Variants in ERC2 observed in about 807,000 individuals in gnomAD.
ERC2 encodes ERC protein 2.
A neutral mutation model predicts 114.8 loss-of-function variants in ERC2; 42 were observed. That is an observed-to-expected ratio of 0.37 (90% confidence interval 0.29 to 0.47). ERC2 has a LOEUF of 0.47. Among genes scored for constraint, ERC2 ranks in the 20% least tolerant of loss-of-function variants. ERC2 has a pLI of 0.99. For synonymous variants in ERC2, 454 were observed against 425.5 expected (o/e 1.07, Z -0.82); for missense variants, 939 against 1,150.7 (o/e 0.82, Z 2.66).
chr3:55,662,691 T>C (rs926693983), intron 17 of ERC2, among the ~76,000 whole-genome samples: 10 of 152,208 alleles, frequency 6.6e-5, no homozygotes, highest in Non-Finnish European at 1.2e-4. Flanking sequence ...TGAATGTAGA[T>C]TATTTTAAAG....
At chr3:56,007,084 A>T in intron 10 of ERC2, 97 bp downstream of exon 10, 1 of 1,078,716 alleles carries the variant, frequency 9.3e-7, no homozygotes, top group Non-Finnish European at 1.3e-6. Context: ...ACAGCAACAG[A>T]TAAGGGGTTT....
At chr3:55,881,188 G>A (rs1480176934) in intron 14 of ERC2, among the ~76,000 whole-genome samples, 1 of 152,116 alleles carries the variant, frequency 6.6e-6, no homozygotes, top group Non-Finnish European at 1.5e-5. Flanking sequence ...CCTTTGAAGG[G>A]TACTTACCTA....
chr3:55,980,038 C>A (rs564406261), intron 12 of ERC2, among the ~76,000 whole-genome samples: 10 of 138,790 alleles, frequency 7.2e-5, no homozygotes, highest in African/African-American at 2.7e-4. Flanking sequence ...TCTACAATTT[C>A]TAAAACTAAA....
At chr3:56,447,354 G>A (rs902582988) in intron 1 of ERC2, among the ~76,000 whole-genome samples, 11 of 152,328 alleles carry the variant, frequency 7.2e-5, no homozygotes, top group Non-Finnish European at 1.3e-4. Flanking sequence ...TTCCAGATTT[G>A]GATGTGGGAT....
rs533874296 is a variant in ERC2 at position 56,392,157 on chromosome 3, T to C, written c.657+42194A>G. 2.0e-5 allele frequency among the ~76,000 whole-genome samples: 3 copies of C among 152,326 alleles called. No individual in the cohort carries two copies. The South Asian group carries it at 6.2e-4, about 32-fold the overall frequency. On this transcript the variant is annotated intron_variant, in intron 2 of 17. Coordinates refer to ENST00000288221, the MANE Select transcript of ERC2 (RefSeq NM_015576.3). ...TGATTTTAAAGAAATGTTTCAAATA[T>C]CAAAATTATTGAGATGCATGTAGAT... is the stretch of plus-strand genomic sequence containing the variant.
At chr3:55,578,775 A>T (rs1037122926) in intron 17 of ERC2, among the ~76,000 whole-genome samples, 1 of 152,088 alleles carries the variant, frequency 6.6e-6, no homozygotes, top group Non-Finnish European at 1.5e-5. Context: ...AGCTGTGCTG[A>T]TCTTGGCAGG....
At chr3:55,667,567 A>T (rs528281382) in intron 17 of ERC2, among the ~76,000 whole-genome samples, 27 of 152,330 alleles carry the variant, frequency 1.8e-4, no homozygotes, top group African/African-American at 6.3e-4. Flanking sequence ...ATTGCCAGCT[A>T]GTGCAGCTGA....
chr3:55,951,070 A>G (rs893518645), intron 12 of ERC2, among the ~76,000 whole-genome samples: 1 of 152,176 alleles, frequency 6.6e-6, no homozygotes, highest in African/African-American at 2.4e-5. Context: ...TGTAATTTCC[A>G]AGACAGGAAA....
intron 14 of ERC2, among the ~76,000 whole-genome samples, chr3:55,749,563 A>G (rs1241843609): frequency 1.3e-5 from 2 of 152,158 alleles, no homozygotes; most frequent in Non-Finnish European, 2.9e-5. Flanking sequence ...AGTGCTCTGT[A>G]AAATGCACCA....
intron 14 of ERC2, among the ~76,000 whole-genome samples, chr3:55,826,982 T>G (rs1340462643): frequency 6.6e-6 from 1 of 152,226 alleles, no homozygotes; most frequent in African/African-American, 2.4e-5. Flanking sequence ...CTGTTTCATT[T>G]TAATAGCAGC....
In ERC2 at chr3:55,823,407, C is replaced by T. The variant is rs369615496; in HGVS notation, c.2564+64982G>A. On this transcript the variant is annotated intron_variant, in intron 14 of 17. Transcript: ENST00000288221. ...TACCCTTCATACTTTGGCAAATGGC[C>T]TTCCTACCATACCCTGCTGTCCTGG... Among the ~76,000 whole-genome samples the T allele has an allele frequency of 6.6e-5, 10 of 152,270 alleles. 1 individual carries two copies. In the South Asian group the frequency reaches 2.1e-3, roughly 32 times the overall value.
At chr3:55,967,521 T>A (rs1173291363) in intron 12 of ERC2, among the ~76,000 whole-genome samples, 1 of 152,198 alleles carries the variant, frequency 6.6e-6, no homozygotes, top group Admixed American at 6.5e-5. Context: ...AAAATCAGAA[T>A]TCTTCCTTCA....
At chr3:55,809,002 C>A (rs1391431592) in intron 14 of ERC2, among the ~76,000 whole-genome samples, 1 of 151,284 alleles carries the variant, frequency 6.6e-6, no homozygotes, top group East Asian at 1.9e-4. Context: ...ATATTTATAC[C>A]TGGTCTGGTC....
chr3:55,871,868 A>C (rs971970371), intron 14 of ERC2, among the ~76,000 whole-genome samples: 1 of 152,142 alleles, frequency 6.6e-6, no homozygotes, highest in South Asian at 2.1e-4. Flanking sequence ...GAGGGTTTCA[A>C]CTCTAGGGGG....
chr3:56,116,770 C>T (rs756541075), intron 6 of ERC2, among the ~76,000 whole-genome samples: 4 of 152,148 alleles, frequency 2.6e-5, no homozygotes, highest in Non-Finnish European at 5.9e-5. Flanking sequence ...GGCCTTCCTA[C>T]ATGCTCCAGC....
At chr3:55,834,601 A>C (rs1412797025) in intron 14 of ERC2, among the ~76,000 whole-genome samples, 3 of 151,628 alleles carry the variant, frequency 2.0e-5, no homozygotes. Context: ...TCTGGGACAC[A>C]TTCAAAGCAG....
intron 17 of ERC2, among the ~76,000 whole-genome samples, chr3:55,597,988 G>A (rs748413650): frequency 6.6e-6 from 1 of 152,126 alleles, no homozygotes; most frequent in Non-Finnish European, 1.5e-5. Flanking sequence ...AAGCCACATC[G>A]CCTGCTTACA....
chr3:55,811,553 C>T (rs936612216), intron 14 of ERC2, among the ~76,000 whole-genome samples: 2 of 152,212 alleles, frequency 1.3e-5, no homozygotes, highest in African/African-American at 2.4e-5. Context: ...CTGAGCCTTA[C>T]ACAGATGGAG....
At chr3:56,361,015 G>C (rs180976485) in intron 2 of ERC2, among the ~76,000 whole-genome samples, 1 of 152,158 alleles carries the variant, frequency 6.6e-6, no homozygotes, top group Non-Finnish European at 1.5e-5. Context: ...CACAGAGGTA[G>C]GAAAGATCCT....
Sources: gnomAD v4.1 joint callset for allele counts (sites outside exome capture counted in the v4.1 genomes callset) on GRCh38, gnomAD v4.1.1 for gene constraint, MANE v1.5 for transcripts, NCBI Gene and HGNC (gene_info 2026-07-23, HGNC 2026-07-21) for gene names.